The following GPSM1 variants were observed in gnomAD, a reference collection of about 807,000 sequenced individuals.
GPSM1 encodes the protein G protein signaling modulator 1, also known as G protein-signaling modulator 1.
A neutral mutation model predicts 70.5 loss-of-function variants in GPSM1; 48 were observed. The ratio of observed to expected loss-of-function variants is 0.68; its 90% CI spans 0.54 to 0.87. The LOEUF is 0.87. Ranked by LOEUF, GPSM1 falls within the 40% of genes least tolerant of loss-of-function variation. GPSM1 has a pLI of 0.00. For missense variants in GPSM1, 981 were observed against 972.6 expected (o/e 1.01, Z -0.11); for synonymous variants, 416 against 430.1 (o/e 0.97, Z 0.41).
chr9:136,355,016 G>A, intron 11 of GPSM1: 1 of 1,082,794 alleles, frequency 9.2e-7, no homozygotes, highest in Non-Finnish European at 1.1e-6. Context: ...GTCGGCGGGT[G>A]CCGAGGGTGA....
intron 7 of GPSM1, 101 bp downstream of exon 7, chr9:136,338,811 C>T (rs967185928): frequency 7.6e-6 from 9 of 1,188,252 alleles, no homozygotes; most frequent in Non-Finnish European, 1.0e-5. Flanking sequence ...TGCTCTGCCA[C>T]TGACCATGCT....
At chr9:136,354,844 G>T in intron 11 of GPSM1, 1 of 1,000,604 alleles carries the variant, frequency 1.0e-6, no homozygotes. Flanking sequence ...TCATGGCAGG[G>T]CTGACACAGG....
At position 136,336,104 on chromosome 9, in the gene GPSM1, G is replaced by T. The variant is rs782612401; in HGVS notation, c.426+3G>T. 8 of 1,609,842 alleles carry T rather than the reference G, an allele frequency of 5.0e-6. No individual in the cohort carries two copies. The African/African-American group carries it at 1.1e-4, about 21-fold the overall frequency. On this transcript the variant is annotated splice_donor_region_variant and intron_variant, in intron 3 of 13. Transcript: ENST00000440944. ...TCGCCCAAGAGCAGGGAGACAAGGTGGGGGCTTGGTCCGGGGCTGGGTGTC... is the reference window on the plus strand; with the variant it reads ...TCGCCCAAGAGCAGGGAGACAAGGTTGGGGCTTGGTCCGGGGCTGGGTGTC...
At position 136,358,643 on chromosome 9, in the gene GPSM1, C is replaced by G; in HGVS notation, c.*423C>G. The stretch of plus-strand genomic sequence containing the variant: ...AAGGACAGGGCCATGTTCTGTCCCC[C>G]CAGAGCTGGTCTTGGGATGGCCGTG... On this transcript the variant is annotated 3_prime_UTR_variant, in exon 14 of 14. Coordinates refer to ENST00000440944, the MANE Select transcript of GPSM1 (RefSeq NM_001145638.3). 1 of 266,854 alleles carries G rather than the reference C, an allele frequency of 3.7e-6. No homozygotes were observed. The highest frequency in any genetic ancestry group is 7.1e-6 in the Non-Finnish European group (1 of 140,478). 16.5% of individuals were successfully genotyped at this position (266,854 alleles called of 1,614,324 possible). A position where few individuals can be genotyped will look rare whatever the true frequency, so the allele number is the denominator to read the frequency against.
Position 136,355,701 on chromosome 9 carries a change from G to A in GPSM1, c.1467G>A (p.Arg489=), listed in dbSNP as rs1554772864. The part of the protein sequence containing the change: ...RVHVPRTSIP[R]APSSDEECFF... ...CACTCCCTCCCCAGAGCATCCCGAG[G>A]GCCCCGTCTTCGGACGAGGAGTGCT... is the stretch of plus-strand genomic sequence containing the variant. The change falls in exon 12 of 14, where the codon AGG becomes AGA. Residue 489 remains arginine (R), a synonymous_variant. Transcript: ENST00000440944. 6.2e-7 allele frequency: 1 copy of A among 1,612,212 alleles called. No individual in the cohort carries two copies. Among genetic ancestry groups the A allele is most frequent in the Non-Finnish European group, 8.5e-7 (1 of 1,179,462 alleles).
rs1476938213 is a variant in GPSM1, at chr9:136,334,537, T to C, written c.159T>C (p.Ala53=). The change falls in exon 2 of 14, where the codon GCT becomes GCC. Residue 53 remains alanine (A), a synonymous_variant. Coordinates refer to ENST00000440944, the MANE Select transcript of GPSM1 (RefSeq NM_001145638.3). ...DFKTGVAFFE[A]AVQVGTEDLK... is the part of the protein sequence containing the mutation. ...AGACAGGCGTGGCCTTCTTTGAGGC[T>C]GCTGTGCAGGTGGGCACCGAGGACC... The C allele has an allele frequency of 2.5e-6, 4 of 1,613,262 alleles. No homozygotes were observed. The highest frequency in any genetic ancestry group is 3.4e-6 in the Non-Finnish European group (4 of 1,179,928).
chr9:136,339,765 C>G lies in GPSM1; in HGVS notation c.1033C>G (p.Pro345Ala). The G allele has an allele frequency of 1.3e-6, 2 of 1,550,200 alleles. No homozygotes were observed. The highest frequency in any genetic ancestry group is 2.4e-5 in the South Asian group (2 of 84,060). Residue 345 changes from proline (P) to alanine (A), a missense_variant, in exon 8 of 14, where the codon CCA becomes GCA. By Grantham distance (27) the Pro-to-Ala change is conservative (BLOSUM62 -1). Coordinates refer to ENST00000440944, the MANE Select transcript of GPSM1 (RefSeq NM_001145638.3). Reference sequence around the variant, plus strand: ...AAATGCCTACGTGTCCATGGGGCGCCCAGCGCAGGCCCTGACCTTCGCCAA... The same window carrying G: ...AAATGCCTACGTGTCCATGGGGCGCGCAGCGCAGGCCCTGACCTTCGCCAA... ...LGNAYVSMGR[P>A]AQALTFAKKH... is the part of the protein sequence containing the mutation.
At chr9:136,336,383 A>C in intron 3 of GPSM1, among the ~76,000 whole-genome samples, 1 of 150,782 alleles carries the variant, frequency 6.6e-6, no homozygotes, top group Non-Finnish European at 1.5e-5. Context: ...ACCCCCAGTC[A>C]CTCACTCCCT....
In GPSM1 at chr9:136,336,110, T is replaced by A. The variant is rs1203429540; in HGVS notation, c.426+9T>A. ...AAGAGCAGGGAGACAAGGTGGGGGCTTGGTCCGGGGCTGGGTGTCTCCCAC... is the reference window on the plus strand; with the variant it reads ...AAGAGCAGGGAGACAAGGTGGGGGCATGGTCCGGGGCTGGGTGTCTCCCAC... On this transcript the variant is annotated intron_variant, in intron 3 of 13. Coordinates refer to ENST00000440944, the MANE Select transcript of GPSM1 (RefSeq NM_001145638.3). 3.1e-6 allele frequency: 5 copies of A among 1,608,986 alleles called. No homozygotes were observed. Among genetic ancestry groups the A allele is most frequent in the Non-Finnish European group, 4.2e-6 (5 of 1,179,626 alleles).
chr9:136,327,755 C>A lies in GPSM1; in HGVS notation c.60C>A (p.Leu20=). 1 of 1,189,092 alleles carries A rather than the reference C, an allele frequency of 8.4e-7. No homozygotes were observed. 73.7% of individuals were successfully genotyped at this position (1,189,092 alleles called of 1,614,324 possible). A position where few individuals can be genotyped will look rare whatever the true frequency, so the allele number is the denominator to read the frequency against. ...TCCCGGGCCCGGCCGCCAGGCGCCT[C>A]TACTCCAGGTAGGACGGGCCGGGGC... ...DELPGPAARR[L]YSRMEASCLE... is the part of the protein sequence containing the mutation. Residue 20 remains leucine (L), a synonymous_variant, in exon 1 of 14, where the codon CTC becomes CTA. Coordinates refer to ENST00000440944, the MANE Select transcript of GPSM1 (RefSeq NM_001145638.3).
chr9:136,356,076 A>G (rs377761764), intron 12 of GPSM1, among the ~76,000 whole-genome samples: 24 of 152,086 alleles, frequency 1.6e-4, no homozygotes, highest in East Asian at 1.6e-3. Context: ...AGTCTCAGGG[A>G]GGGGGCAGGG....
intron 5 of GPSM1, 111 bp from the exon 6 acceptor site, chr9:136,337,735 C>G: frequency 9.8e-7 from 1 of 1,017,494 alleles, no homozygotes; most frequent in Non-Finnish European, 1.5e-6. Context: ...GCTGCTCACC[C>G]GGACACACAG....
intron 11 of GPSM1, among the ~76,000 whole-genome samples, chr9:136,350,381 C>CG (rs1206409024): frequency 1.3e-5 from 2 of 152,162 alleles, no homozygotes; most frequent in East Asian, 3.9e-4. Context: ...TGACACCTGG[C>CG]GGGGGTCCCT....
rs1554768078 is a variant in GPSM1 at position 136,327,779 on chromosome 9, G to T, written c.68+16G>T. 2.9e-6 allele frequency: 3 copies of T among 1,032,448 alleles called. No homozygotes were observed. The highest frequency in any genetic ancestry group is 3.7e-6 in the Non-Finnish European group (3 of 819,884). 64.0% of individuals were successfully genotyped at this position (1,032,448 alleles called of 1,614,324 possible). ...TCTACTCCAGGTAGGACGGGCCGGG[G>T]CCGGGGCCGGGGCCGGGGCTGGGAC... On this transcript the variant is annotated intron_variant, in intron 1 of 13. Coordinates refer to ENST00000440944, the MANE Select transcript of GPSM1 (RefSeq NM_001145638.3).
intron 11 of GPSM1, among the ~76,000 whole-genome samples, chr9:136,352,156 G>C (rs1401469130): frequency 3.0e-5 from 4 of 132,856 alleles, no homozygotes; most frequent in African/African-American, 8.6e-5. Flanking sequence ...CGCCGTTGCT[G>C]TTGGTGACAC....
In GPSM1 at chr9:136,349,643, G is replaced by T. The variant is rs61744892; in HGVS notation, c.1335G>T (p.Ser445=). ...ACTGGCGGGGGCCCAGCAGGGACTC[G>T]CTACCCCTCCCCGTGAGGAGCAGGA... ...SGDWRGPSRD[S]LPLPVRSRKY... is the part of the protein sequence containing the mutation. The change falls in exon 11 of 14, where the codon TCG becomes TCT. Residue 445 remains serine (S), a synonymous_variant. Transcript: ENST00000440944. 1.9e-6 allele frequency: 3 copies of T among 1,550,172 alleles called. No homozygotes were observed. The South Asian group carries it at 3.6e-5, about 18-fold the overall frequency.
rs997255811 is a variant in GPSM1 at position 136,339,785 on chromosome 9, C to A, written c.1053C>A (p.Phe351Leu). 7 of 1,549,090 alleles carry A rather than the reference C, an allele frequency of 4.5e-6. No individual in the cohort carries two copies. Among genetic ancestry groups the A allele is most frequent in the Admixed American group, 2.0e-5 (1 of 50,982 alleles). The change falls in exon 8 of 14, where the codon TTC becomes TTA. Residue 351 changes from phenylalanine to leucine, a missense_variant. Physicochemically the swap from Phe to Leu is conservative, Grantham distance 22. Coordinates refer to ENST00000440944, the MANE Select transcript of GPSM1 (RefSeq NM_001145638.3). ...SMGRPAQALT[F>L]AKKHLQISQE... Reference sequence around the variant, plus strand: ...GGCGCCCAGCGCAGGCCCTGACCTTCGCCAAGAAGCACCTGCAGATCTCCC... The same window carrying A: ...GGCGCCCAGCGCAGGCCCTGACCTTAGCCAAGAAGCACCTGCAGATCTCCC...
intron 11 of GPSM1, among the ~76,000 whole-genome samples, chr9:136,354,028 C>T (rs1554772558): frequency 6.6e-6 from 1 of 152,174 alleles, no homozygotes; most frequent in Non-Finnish European, 1.5e-5. Flanking sequence ...AGGCCTGAGC[C>T]AGGCTGCAGG....
In GPSM1 at chr9:136,341,101, C is replaced by T. The variant is rs782357766; in HGVS notation, c.1207+108C>T. ...AGGCCAGCATGGCGGAGGTGGCAGC[C>T]GCCAGAAAATGGCGCCTACAAGCCA... On this transcript the variant is annotated intron_variant, in intron 9 of 13. Coordinates refer to ENST00000440944, the MANE Select transcript of GPSM1 (RefSeq NM_001145638.3). The surrounding 1 kb of genome is among the most constrained non-coding windows in gnomAD (Gnocchi z 6.7). 29 of 1,549,990 alleles carry T rather than the reference C, an allele frequency of 1.9e-5. No homozygotes were observed. Among genetic ancestry groups the T allele is most frequent in the East Asian group, 4.9e-5 (2 of 40,942 alleles).
Sources: gnomAD v4.1 joint callset for allele counts (sites outside exome capture counted in the v4.1 genomes callset) on GRCh38, gnomAD v4.1.1 for gene constraint, Gnocchi (gnomAD v3.1) non-coding constraint, MANE v1.5 for transcripts, NCBI Gene and HGNC (gene_info 2026-07-23, HGNC 2026-07-21) for gene names.